PPFIA2: variants seen among roughly 807,000 people sequenced by gnomAD.
PPFIA2 encodes the protein PPFI scaffold protein A2.
Under a neutral mutation model 175.5 loss-of-function variants are expected in PPFIA2, and 46 were observed. The ratio of observed to expected loss-of-function variants is 0.26; its 90% CI spans 0.21 to 0.34. The LOEUF (loss-of-function observed/expected upper bound fraction) is 0.34, where lower values mean the gene tolerates loss of function less well. PPFIA2 is among the 10% of genes least tolerant of loss of function. PPFIA2 has a pLI of 1.00. For missense variants in PPFIA2, 1,179 were observed against 1,506.1 expected (o/e 0.78, Z 3.60); for synonymous variants, 568 against 511.4 (o/e 1.11, Z -1.49).
chr12:81,499,478 A>G (rs192996753), intron 4 of PPFIA2, among the ~76,000 whole-genome samples: 11 of 152,308 alleles, frequency 7.2e-5, no homozygotes, highest in Middle Eastern at 6.8e-3. Context: ...GTATAGGATC[A>G]GCTAATAATA....
rs543135550 is a variant in PPFIA2, at chr12:81,374,899, A to G, written c.1132-131T>C. On this transcript the variant is annotated intron_variant, in intron 10 of 32. Transcript: ENST00000549396. ...GCCACTACCACACCTAAATGTGCAA[A>G]GTGTTGATTGTTGTCTTGTTATCAT... is the stretch of plus-strand genomic sequence containing the variant. The G allele has an allele frequency of 1.7e-5, 13 of 771,064 alleles. No individual in the cohort carries two copies. In the African/African-American group the frequency reaches 2.3e-4, roughly 14 times the overall value. 47.8% of individuals were successfully genotyped at this position (771,064 alleles called of 1,614,324 possible). A position where few individuals can be genotyped will look rare whatever the true frequency, so the allele number is the denominator to read the frequency against.
At chr12:81,752,469 G>A (rs1357613139) in intron 3 of PPFIA2, among the ~76,000 whole-genome samples, 1 of 152,082 alleles carries the variant, frequency 6.6e-6, no homozygotes, top group African/African-American at 2.4e-5. Flanking sequence ...TTTGAAATGA[G>A]TCAAAACATT....
intron 4 of PPFIA2, among the ~76,000 whole-genome samples, chr12:81,538,891 C>A (rs2065800701): frequency 6.6e-6 from 1 of 151,874 alleles, no homozygotes; most frequent in Non-Finnish European, 1.5e-5. Context: ...TTTAGCATCA[C>A]TTTGGCTGCT....
At chr12:81,503,954 C>T (rs886632157) in intron 4 of PPFIA2, among the ~76,000 whole-genome samples, 1 of 151,506 alleles carries the variant, frequency 6.6e-6, no homozygotes, top group African/African-American at 2.4e-5. Context: ...CAATTAAGTA[C>T]AATTAAATAA....
intron 4 of PPFIA2, among the ~76,000 whole-genome samples, chr12:81,488,113 T>G (rs1432916127): frequency 6.6e-6 from 1 of 151,924 alleles, no homozygotes; most frequent in African/African-American, 2.4e-5. Context: ...TTAGGGAGGT[T>G]TGATGGTCTA....
intron 4 of PPFIA2, among the ~76,000 whole-genome samples, chr12:81,660,073 T>G (rs1367552201): frequency 6.6e-6 from 1 of 151,636 alleles, no homozygotes; most frequent in East Asian, 1.9e-4. Flanking sequence ...AGACCAAAGG[T>G]ATATAAAACC....
chr12:81,676,375 C>G (rs570749467), intron 4 of PPFIA2, among the ~76,000 whole-genome samples: 1 of 152,044 alleles, frequency 6.6e-6, no homozygotes, highest in East Asian at 1.9e-4. Context: ...TTCCTGGAAG[C>G]TTCCTGAATT....
intron 4 of PPFIA2, among the ~76,000 whole-genome samples, chr12:81,583,924 T>C (rs2074800031): frequency 6.6e-6 from 1 of 151,994 alleles, no homozygotes. Context: ...TCTTTACTTA[T>C]GTTTTTGTAA....
At chr12:81,568,838 G>A (rs1193182669) in intron 4 of PPFIA2, among the ~76,000 whole-genome samples, 1 of 151,894 alleles carries the variant, frequency 6.6e-6, no homozygotes, top group African/African-American at 2.4e-5. Context: ...CAGTGTCAGA[G>A]GTCAAAAACT....
intron 4 of PPFIA2, among the ~76,000 whole-genome samples, chr12:81,507,441 T>C (rs1194692455): frequency 6.6e-6 from 1 of 152,206 alleles, no homozygotes; most frequent in Non-Finnish European, 1.5e-5. Flanking sequence ...GTCTGAGAAA[T>C]TGTTTTTAAT....
At chr12:81,322,356 CAGAG>C (rs1454495024) in intron 22 of PPFIA2, among the ~76,000 whole-genome samples, 1 of 152,032 alleles carries the variant, frequency 6.6e-6, no homozygotes, top group Non-Finnish European at 1.5e-5. Flanking sequence ...AGAAATCCAA[CAGAG>C]AGTGATGGAT....
chr12:81,266,074 T>C (rs958047988), intron 30 of PPFIA2, among the ~76,000 whole-genome samples: 1 of 152,180 alleles, frequency 6.6e-6, no homozygotes, highest in African/African-American at 2.4e-5. Context: ...ACAGAGTGGA[T>C]TTTATAATAC....
At chr12:81,682,013 A>T (rs1472936914) in intron 3 of PPFIA2, among the ~76,000 whole-genome samples, 1 of 152,112 alleles carries the variant, frequency 6.6e-6, no homozygotes, top group Non-Finnish European at 1.5e-5. Context: ...GAAAATACTT[A>T]AAACATTATA....
intron 4 of PPFIA2, among the ~76,000 whole-genome samples, chr12:81,549,042 G>C (rs2067448166): frequency 6.6e-6 from 1 of 152,042 alleles, no homozygotes; most frequent in South Asian, 2.1e-4. Context: ...GAAATAAATA[G>C]TAAAAATTAA....
At chr12:81,312,211 A>G in intron 22 of PPFIA2, 1 of 1,519,046 alleles carries the variant, frequency 6.6e-7, no homozygotes, top group Non-Finnish European at 8.8e-7. Context: ...AGAAAAGCAC[A>G]CAAATGTTAA....
intron 14 of PPFIA2, among the ~76,000 whole-genome samples, chr12:81,362,994 T>C (rs879533573): frequency 3.3e-5 from 5 of 151,648 alleles, no homozygotes; most frequent in Non-Finnish European, 5.9e-5. Context: ...CTACAATCTC[T>C]GGCATTCACT....
At chr12:81,424,241 T>C (rs1236785966) in intron 7 of PPFIA2, among the ~76,000 whole-genome samples, 6 of 152,074 alleles carry the variant, frequency 3.9e-5, no homozygotes, top group Non-Finnish European at 8.8e-5. Context: ...TTGGGAAAAA[T>C]AGATATCTTT....
chr12:81,507,546 T>C (rs1174479863), intron 4 of PPFIA2, among the ~76,000 whole-genome samples: 1 of 152,214 alleles, frequency 6.6e-6, no homozygotes, highest in Non-Finnish European at 1.5e-5. Context: ...GAACTCTCAA[T>C]TAGCTCCTCT....
chr12:81,469,704 C>G (rs2070116809), intron 4 of PPFIA2, among the ~76,000 whole-genome samples: 1 of 152,158 alleles, frequency 6.6e-6, no homozygotes, highest in Non-Finnish European at 1.5e-5. Context: ...TCATACAACA[C>G]AAGTTAAAAT....
Sources: allele counts gnomAD v4.1 joint callset (sites outside exome capture counted in the v4.1 genomes callset), GRCh38; gene constraint gnomAD v4.1.1; transcripts MANE v1.5; gene names NCBI Gene and HGNC (gene_info 2026-07-23, HGNC 2026-07-21).